The following NFATC1 variants were observed in gnomAD, a reference collection of about 807,000 sequenced individuals.
NFATC1 encodes nuclear factor of activated T cells 1, also known as nuclear factor of activated T-cells, cytoplasmic 1.
In NFATC1, 22 loss-of-function variants were observed where a neutral mutation model predicts 76.0. The ratio of observed to expected loss-of-function variants is 0.29; its 90% CI spans 0.21 to 0.41. The LOEUF (loss-of-function observed/expected upper bound fraction) is 0.41. Ranked by LOEUF, NFATC1 falls within the 10% of genes least tolerant of loss-of-function variation. NFATC1 has a pLI of 1.00. For missense variants in NFATC1, 1,357 were observed against 1,337.7 expected, an observed-to-expected ratio of 1.01 and a Z score of -0.23; for synonymous variants, 704 against 613.1, an observed-to-expected ratio of 1.15 and a Z score of -2.19.
chr18:79,427,151 T>A (rs1477243008), intron 2 of NFATC1, among the ~76,000 whole-genome samples: 2 of 152,196 alleles, frequency 1.3e-5, no homozygotes, highest in Non-Finnish European at 2.9e-5. Context: ...GCCCTTCGTG[T>A]ACCCACGTGT....
chr18:79,424,843 C>T (rs1357133085), intron 2 of NFATC1, among the ~76,000 whole-genome samples: 2 of 131,732 alleles, frequency 1.5e-5, no homozygotes, highest in African/African-American at 5.1e-5. Context: ...ATCTCTGTCT[C>T]TGTTTCTCTG....
chr18:79,424,627 C>A (rs2086221743), intron 2 of NFATC1, among the ~76,000 whole-genome samples: 1 of 150,956 alleles, frequency 6.6e-6, no homozygotes, highest in Non-Finnish European at 1.5e-5. Context: ...CTCTGTCTCT[C>A]CGTCTGTCTC....
Position 79,410,080 on chromosome 18 carries a change from GT to G in NFATC1, c.128-318del. The G allele has an allele frequency of 4.4e-6, 3 of 679,110 alleles. No homozygotes were observed. Among genetic ancestry groups the G allele is most frequent in the Admixed American group, 1.8e-5 (1 of 56,154 alleles). 42.1% of individuals were successfully genotyped at this position (679,110 alleles called of 1,614,324 possible). A position where few individuals can be genotyped will look rare whatever the true frequency, so the allele number is the denominator to read the frequency against. On this transcript the variant is annotated intron_variant, in intron 1 of 9. Transcript: ENST00000427363. The surrounding 1 kb of genome is among the most constrained non-coding windows in gnomAD (Gnocchi z 6.7). The stretch of plus-strand genomic sequence containing the variant: ...GAAGATGGGGTGGTTGGGGAAGGTG[GT>G]TTTTGAATGAAGAGCGGAACCCGTG...
At chr18:79,522,771 G>A (rs1344679190) in intron 9 of NFATC1, among the ~76,000 whole-genome samples, 3 of 152,144 alleles carry the variant, frequency 2.0e-5, no homozygotes, top group South Asian at 2.1e-4. Context: ...TGGCTGGGCA[G>A]GGTGGGAACC....
At chr18:79,449,253 A>G (rs529137769) in intron 4 of NFATC1, among the ~76,000 whole-genome samples, 8 of 152,268 alleles carry the variant, frequency 5.3e-5, no homozygotes, top group Non-Finnish European at 1.0e-4. Context: ...TCTAAACAGG[A>G]CCCCTATTTC....
At chr18:79,438,210 C>T (rs1156362554) in intron 3 of NFATC1, among the ~76,000 whole-genome samples, 2 of 152,222 alleles carry the variant, frequency 1.3e-5, no homozygotes, top group Admixed American at 6.5e-5. Flanking sequence ...CCTTCCTTCC[C>T]TCCTGCTCTC....
chr18:79,453,984 A>G (rs754898314), intron 6 of NFATC1, among the ~76,000 whole-genome samples: 8 of 152,244 alleles, frequency 5.3e-5, no homozygotes, highest in Non-Finnish European at 1.0e-4. Flanking sequence ...CCTGGCAACG[A>G]GAGAAACCAC....
At chr18:79,425,790 CG>C (rs1349291487) in intron 2 of NFATC1, among the ~76,000 whole-genome samples, 1 of 152,084 alleles carries the variant, frequency 6.6e-6, no homozygotes, top group Non-Finnish European at 1.5e-5. Flanking sequence ...ACCAGGTGGG[CG>C]GGGGAGGAGC....
At chr18:79,514,865 G>C (rs1192663544) in intron 9 of NFATC1, among the ~76,000 whole-genome samples, 1 of 151,864 alleles carries the variant, frequency 6.6e-6, no homozygotes, top group Non-Finnish European at 1.5e-5. Context: ...GGGCAACATA[G>C]CAAGACCCTG....
chr18:79,487,674 C>T (rs965072287), intron 9 of NFATC1, among the ~76,000 whole-genome samples: 2 of 152,222 alleles, frequency 1.3e-5, no homozygotes, highest in East Asian at 1.9e-4. Flanking sequence ...GGCGCCGTGG[C>T]GTTCTTCTCG....
At chr18:79,496,776 G>A (rs962306390) in intron 9 of NFATC1, 2 of 152,246 alleles carry the variant, frequency 1.3e-5, no homozygotes, top group African/African-American at 4.8e-5. Flanking sequence ...GCCTTTGTAC[G>A]TTCCATAGTG....
In NFATC1 at chr18:79,448,888, C is replaced by T; in HGVS notation, c.1493C>T (p.Thr498Ile). 2 of 1,613,764 alleles carry T rather than the reference C, an allele frequency of 1.2e-6. No individual in the cohort carries two copies. Among genetic ancestry groups the T allele is most frequent in the Non-Finnish European group, 1.7e-6 (2 of 1,180,046 alleles). ...GCCTTCTACCAGGTGCACCGCATCA[C>T]AGGGAAGACCGTGTCCACCACCAGC... Reference protein sequence around the residue: ...PHAFYQVHRITGKTVSTTSHE... With the variant: ...PHAFYQVHRIIGKTVSTTSHE... The change falls in exon 4 of 10, where the codon ACA becomes ATA. Residue 498 changes from threonine (T) to isoleucine (I), a missense_variant. Transcript: ENST00000427363.
In NFATC1 at chr18:79,465,186, G is replaced by A. The variant is rs59258388; in HGVS notation, c.1960-2264G>A. Among the ~76,000 whole-genome samples, 9,569 of 152,098 alleles carry A rather than the reference G, an allele frequency of 0.063. 997 individuals are homozygous for A. The highest frequency in any genetic ancestry group is 0.22 in the African/African-American group (8,982 of 41,426). On this transcript the variant is annotated intron_variant, in intron 7 of 9. Coordinates refer to ENST00000427363, the MANE Select transcript of NFATC1 (RefSeq NM_001278669.2). This position sits in a 1 kb window ranked among gnomAD's most constrained non-coding sequence, Gnocchi z 4.2. ...TTTCCCTCTCCCTTCCTGTTCTTCC[G>A]TGTTTCTTCTTTATCGCTTCCTTCT...
Position 79,396,287 on chromosome 18 carries a change from CG to C in NFATC1, c.66del (p.Arg23GlufsTer15). 2 of 1,457,324 alleles carry C rather than the reference CG, an allele frequency of 1.4e-6. No homozygotes were observed. Among genetic ancestry groups the C allele is most frequent in the South Asian group, 1.3e-5 (1 of 76,332 alleles). 90.3% of individuals were successfully genotyped at this position (1,457,324 alleles called of 1,614,324 possible). A position where few individuals can be genotyped will look rare whatever the true frequency, so the allele number is the denominator to read the frequency against. ...FPLGPAAAVFGRGETLGPAPR... is the reference protein window; with the variant it reads ...FPLGPAAAVFXRGETLGPAPR... The stretch of plus-strand genomic sequence containing the variant: ...CACTTGGCCCTGCGGCTGCGGTCTT[CG>C]GGAGAGGAGAAACTTTGGGGCCCGC... On this transcript the variant is annotated frameshift_variant, in exon 1 of 10. Transcript: ENST00000427363. LOFTEE classifies it high-confidence loss of function.
intron 7 of NFATC1, among the ~76,000 whole-genome samples, chr18:79,461,856 C>T (rs985688908): frequency 1.3e-5 from 2 of 152,218 alleles, no homozygotes; most frequent in East Asian, 1.9e-4. Flanking sequence ...CTCCTCACCC[C>T]GTCCTCCGAG....
chr18:79,401,325 G>T (rs759572436), intron 1 of NFATC1, among the ~76,000 whole-genome samples: 1 of 152,084 alleles, frequency 6.6e-6, no homozygotes, highest in African/African-American at 2.4e-5. Flanking sequence ...TGTAATGAGG[G>T]TCATATTTTC....
At chr18:79,408,862 C>G (rs1345987171) in intron 1 of NFATC1, among the ~76,000 whole-genome samples, 3 of 151,498 alleles carry the variant, frequency 2.0e-5, no homozygotes, top group African/African-American at 7.3e-5. Context: ...CATCATCAAA[C>G]CATTATTCCT....
intron 8 of NFATC1, among the ~76,000 whole-genome samples, chr18:79,472,613 T>C (rs1308839640): frequency 6.6e-6 from 1 of 152,196 alleles, no homozygotes; most frequent in African/African-American, 2.4e-5. Flanking sequence ...TGGGTGGGCC[T>C]TGAACACCTG....
intron 2 of NFATC1, among the ~76,000 whole-genome samples, chr18:79,419,679 C>T (rs1482910941): frequency 6.6e-6 from 1 of 152,218 alleles, no homozygotes; most frequent in East Asian, 1.9e-4. Context: ...GCCTGTGGTC[C>T]AGCTGGGAGG....
Sources: gnomAD v4.1 joint callset for allele counts (sites outside exome capture counted in the v4.1 genomes callset) on GRCh38, gnomAD v4.1.1 for gene constraint, Gnocchi (gnomAD v3.1) non-coding constraint, MANE v1.5 for transcripts, NCBI Gene and HGNC (gene_info 2026-07-23, HGNC 2026-07-21) for gene names.